Variants in ZNF316 observed in about 807,000 individuals in gnomAD.
ZNF316 encodes zinc finger protein 316.
A neutral mutation model predicts 75.6 loss-of-function variants in ZNF316; 23 were observed. That is an observed-to-expected ratio of 0.30 (90% CI 0.22 to 0.43). The LOEUF is 0.43. Ranked by LOEUF, ZNF316 falls within the 20% of genes least tolerant of loss-of-function variation. The pLI is 1.00. For synonymous variants in ZNF316, 827 were observed against 666.2 expected, an observed-to-expected ratio of 1.24 and a Z score of -3.72; for missense variants, 1,266 against 1,409.4, an observed-to-expected ratio of 0.90 and a Z score of 1.63.
chr7:6,652,608 C>A lies in ZNF316; in HGVS notation c.1012C>A (p.Pro338Thr), dbSNP rs1779529537. Residue 338 changes from proline (P) to threonine (T), a missense_variant, in exon 9 of 9, where the codon CCG becomes ACG. Around this residue, in one of 3 missense-constraint regions of ZNF316, gnomAD observed 961 missense variants for 990.9 expected, o/e 0.97. Coordinates refer to ENST00000382252, the MANE Select transcript of ZNF316 (RefSeq NM_001278559.2). ...SPWAFPAAVA[P>T]PAGRPETTCD... ...CTGGGCGTTCCCCGCCGCAGTGGCC[C>A]CGCCGGCCGGGAGGCCGGAGACCAC... The A allele has an allele frequency of 1.4e-5, 17 of 1,230,438 alleles. No homozygotes were observed. The highest frequency in any genetic ancestry group is 1.7e-5 in the Non-Finnish European group (17 of 987,016). The allele number at this position is 1,230,438 out of a possible 1,614,324, so 76.2% of individuals were successfully genotyped here.
rs560951001 is a variant in ZNF316 at position 6,658,105 on chromosome 7, C to T, written c.*3494C>T. Among the ~76,000 whole-genome samples, 26 of 152,196 alleles carry T rather than the reference C, an allele frequency of 1.7e-4. No homozygotes were observed. The East Asian group carries it at 4.4e-3, about 26-fold the overall frequency. ...CTTTGTTATTTCCTTTCTCTTTTGC[C>T]GGTTTCCCCAACCTCCTTCCTTTTC... On this transcript the variant is annotated 3_prime_UTR_variant, in exon 9 of 9. Coordinates refer to ENST00000382252, the MANE Select transcript of ZNF316 (RefSeq NM_001278559.2).
rs2464876 is a variant in ZNF316 at position 6,654,579 on chromosome 7, C to A, written c.2983C>A (p.Pro995Thr). The A allele has an allele frequency of 0.25, 294,566 of 1,186,870 alleles. 40,752 individuals are homozygous for A. Among genetic ancestry groups the A allele is most frequent in the East Asian group, 0.68 (18,306 of 26,994 alleles). The allele number at this position is 1,186,870 out of a possible 1,614,324, so 73.5% of individuals were successfully genotyped here. ...CGAGCACCAGGCCGCGTTCGCCGGG[C>A]CCTCGGGCGCCTACCGGGAGGGCGT... ...GSEHQAAFAGPSGAYREGVL is the reference protein window; with the variant it reads ...GSEHQAAFAGTSGAYREGVL The change falls in exon 9 of 9, where the codon CCC (proline) becomes ACC (threonine). Residue 995 changes from proline to threonine, a missense_variant. This residue lies in a region of ZNF316 where 111 missense variants were observed against 99.2 expected (regional missense o/e 1.12). Transcript: ENST00000382252.
Position 6,654,626 on chromosome 7 carries a change from A to T in ZNF316, c.*15A>T. The T allele has an allele frequency of 8.5e-7, 1 of 1,183,384 alleles. No homozygotes were observed. The highest frequency in any genetic ancestry group is 3.7e-5 in the East Asian group (1 of 26,858). The allele number at this position is 1,183,384 out of a possible 1,614,324, so 73.3% of individuals were successfully genotyped here. ...GCGTCCTGTGAGGGGCCCGGGGCCG[A>T]CAGCAGCGCAGCCTGCAGGGCCACC... On this transcript the variant is annotated 3_prime_UTR_variant, in exon 9 of 9. Coordinates refer to ENST00000382252, the MANE Select transcript of ZNF316 (RefSeq NM_001278559.2).
rs1255798094 is a variant in ZNF316, at chr7:6,640,822, A to T, written c.-166-1003A>T. ...TAAGGGAGTTCTCAGTTCACAAGAG[A>T]TCTGGTTGTTTTAAAAGAGTGGGGC... On this transcript the variant is annotated intron_variant, in intron 3 of 8. Coordinates refer to ENST00000382252, the MANE Select transcript of ZNF316 (RefSeq NM_001278559.2). This position sits in a 1 kb window ranked among gnomAD's most constrained non-coding sequence, Gnocchi z 5.1. 3.3e-5 allele frequency among the ~76,000 whole-genome samples: 5 copies of T among 152,072 alleles called. No individual in the cohort carries two copies. The highest frequency in any genetic ancestry group is 3.3e-4 in the Admixed American group (5 of 15,260).
rs1017122713 is a variant in ZNF316 at position 6,639,194 on chromosome 7, G to C, written c.-167+53G>C. On this transcript the variant is annotated intron_variant, in intron 3 of 8. Transcript: ENST00000382252. The surrounding 1 kb of genome is among the most constrained non-coding windows in gnomAD (Gnocchi z 4.2). ...AACCCCCTACCCCCAGCAGTGGTCA[G>C]TCTGTTCTGGAACAGGACAGTAGGG... is the stretch of plus-strand genomic sequence containing the variant. 2 of 152,334 alleles carry C rather than the reference G, an allele frequency of 1.3e-5. No homozygotes were observed. Among genetic ancestry groups the C allele is most frequent in the Non-Finnish European group, 2.9e-5 (2 of 68,134 alleles). The allele number at this position is 152,334 out of a possible 1,614,324, so 9.4% of individuals were successfully genotyped here.
At position 6,642,323 on chromosome 7, in the gene ZNF316, T is replaced by G; in HGVS notation, c.-28-59T>G. The G allele has an allele frequency of 3.4e-6, 3 of 892,634 alleles. No individual in the cohort carries two copies. The highest frequency in any genetic ancestry group is 4.4e-6 in the Non-Finnish European group (3 of 678,548). The allele number at this position is 892,634 out of a possible 1,614,324, so 55.3% of individuals were successfully genotyped here. On this transcript the variant is annotated intron_variant, in intron 4 of 8. Transcript: ENST00000382252. This position sits in a 1 kb window ranked among gnomAD's most constrained non-coding sequence, Gnocchi z 8.1. ...CCCCGCCAGGCTGCGGGAGACCCTG[T>G]GAGGGGACCGTGTGGTGTGCTGAGA...
At chr7:6,643,398 G>A (rs769228597) in intron 6 of ZNF316, among the ~76,000 whole-genome samples, 6 of 152,250 alleles carry the variant, frequency 3.9e-5, no homozygotes, top group Non-Finnish European at 8.8e-5. Flanking sequence ...CCTGTCACAT[G>A]TCCAGGGTCT....
intron 8 of ZNF316, among the ~76,000 whole-genome samples, chr7:6,649,821 C>A (rs953808917): frequency 1.3e-5 from 2 of 152,122 alleles, no homozygotes; most frequent in African/African-American, 4.8e-5. Context: ...CCAGAGCTGG[C>A]GGGGGGTGCC....
intron 8 of ZNF316, 87 bp from the exon 9 acceptor site, chr7:6,652,216 G>A: frequency 1.7e-6 from 2 of 1,195,860 alleles, no homozygotes; most frequent in Non-Finnish European, 1.0e-6. Context: ...CGTCTCGGAA[G>A]CCCTGATTTC....
chr7:6,642,590 G>C lies in ZNF316; in HGVS notation c.181G>C (p.Ala61Pro). 1 of 1,220,440 alleles carries C rather than the reference G, an allele frequency of 8.2e-7. No individual in the cohort carries two copies. The highest frequency in any genetic ancestry group is 1.6e-5 in the African/African-American group (1 of 64,204). 75.6% of individuals were successfully genotyped at this position (1,220,440 alleles called of 1,614,324 possible). ...IVVEEEEEGV[A>P]EVVQDAQVEA... ...GGTGGAGGAGGAGGAGGAGGGTGTGGCAGAGGTAGTGCAGGATGCGCAGGT... is the reference window on the plus strand; with the variant it reads ...GGTGGAGGAGGAGGAGGAGGGTGTGCCAGAGGTAGTGCAGGATGCGCAGGT... Residue 61 changes from alanine to proline, a missense_variant, in exon 5 of 9, where the codon GCA becomes CCA. Ala to Pro is a conservative substitution (Grantham distance 27). Around this residue, in one of 3 missense-constraint regions of ZNF316, gnomAD observed 961 missense variants for 990.9 expected, o/e 0.97. Coordinates refer to ENST00000382252, the MANE Select transcript of ZNF316 (RefSeq NM_001278559.2). This position sits in a 1 kb window ranked among gnomAD's most constrained non-coding sequence, Gnocchi z 8.1.
Position 6,648,296 on chromosome 7 carries a change from A to G in ZNF316, c.706+3703A>G, listed in dbSNP as rs1241480213. ...CACAGGGCTGGCCAGGGGCCTATCTAGGATTAGGGACTGTGGCCCAGCCTC... is the reference window on the plus strand; with the variant it reads ...CACAGGGCTGGCCAGGGGCCTATCTGGGATTAGGGACTGTGGCCCAGCCTC... On this transcript the variant is annotated intron_variant, in intron 8 of 8. Coordinates refer to ENST00000382252, the MANE Select transcript of ZNF316 (RefSeq NM_001278559.2). Among the ~76,000 whole-genome samples the G allele has an allele frequency of 4.6e-5, 7 of 152,132 alleles. No individual in the cohort carries two copies. The South Asian group carries it at 1.0e-3, about 23-fold the overall frequency.
intron 6 of ZNF316, among the ~76,000 whole-genome samples, chr7:6,643,448 C>T (rs900258895): frequency 5.9e-5 from 9 of 152,236 alleles, no homozygotes; most frequent in Non-Finnish European, 7.3e-5. Flanking sequence ...CCAGTGCCCA[C>T]GCTCGGTTTA....
Position 6,647,397 on chromosome 7 carries a change from G to T in ZNF316, c.706+2804G>T, listed in dbSNP as rs556550013. ...CTCATCCCCCTGACAGTTTGCAGAA[G>T]AGAGTGCTGCTAATGCCTATGGACT... On this transcript the variant is annotated intron_variant, in intron 8 of 8. Transcript: ENST00000382252. Among the ~76,000 whole-genome samples the T allele has an allele frequency of 3.7e-4, 56 of 152,386 alleles. 1 individual carries two copies. Among genetic ancestry groups the T allele is most frequent in the African/African-American group, 1.3e-3 (55 of 41,594 alleles).
At chr7:6,641,355 G>T (rs1448110706) in intron 3 of ZNF316, among the ~76,000 whole-genome samples, 1 of 152,224 alleles carries the variant, frequency 6.6e-6, no homozygotes, top group Non-Finnish European at 1.5e-5. Flanking sequence ...CTGATGGTGT[G>T]TGTCCTGGGT....
At position 6,653,627 on chromosome 7, in the gene ZNF316, G is replaced by A. The variant is rs964998169; in HGVS notation, c.2031G>A (p.Ala677=). Reference sequence around the variant, plus strand: ...GGCCCGCCATCGGGGGTCTGCTGGCGGAGCCCGCGCCGGCCGCGCTGGCGG... The same window carrying A: ...GGCCCGCCATCGGGGGTCTGCTGGCAGAGCCCGCGCCGGCCGCGCTGGCGG... The part of the protein sequence containing the change: ...AFGPAIGGLL[A]EPAPAALAEE... The change falls in exon 9 of 9, where the codon GCG becomes GCA. Residue 677 remains alanine (A), a synonymous_variant. Coordinates refer to ENST00000382252, the MANE Select transcript of ZNF316 (RefSeq NM_001278559.2). 2 of 1,062,216 alleles carry A rather than the reference G, an allele frequency of 1.9e-6. No individual in the cohort carries two copies. The highest frequency in any genetic ancestry group is 1.1e-6 in the Non-Finnish European group (1 of 878,086). The allele number at this position is 1,062,216 out of a possible 1,614,324, so 65.8% of individuals were successfully genotyped here. A position where few individuals can be genotyped will look rare whatever the true frequency, so the allele number is the denominator to read the frequency against.
Position 6,640,632 on chromosome 7 carries a change from A to C in ZNF316, c.-166-1193A>C, listed in dbSNP as rs1006621966. On this transcript the variant is annotated intron_variant, in intron 3 of 8. Coordinates refer to ENST00000382252, the MANE Select transcript of ZNF316 (RefSeq NM_001278559.2). This position sits in a 1 kb window ranked among gnomAD's most constrained non-coding sequence, Gnocchi z 5.1. ...GAGATCTGGGCGGGGACAAACATCC[A>C]GGCTCCATCAGTCCCCTTCCAGTCT... 2.0e-5 allele frequency among the ~76,000 whole-genome samples: 3 copies of C among 152,164 alleles called. No individual in the cohort carries two copies. The highest frequency in any genetic ancestry group is 6.5e-5 in the Admixed American group (1 of 15,280).
rs575646947 is a variant in ZNF316 at position 6,652,511 on chromosome 7, G to C, written c.915G>C (p.Gly305=). The C allele has an allele frequency of 2.4e-6, 3 of 1,231,292 alleles. No homozygotes were observed. The highest frequency in any genetic ancestry group is 4.2e-5 in the Admixed American group (1 of 23,698). 76.3% of individuals were successfully genotyped at this position (1,231,292 alleles called of 1,614,324 possible). A position where few individuals can be genotyped will look rare whatever the true frequency, so the allele number is the denominator to read the frequency against. The part of the protein sequence containing the change: ...EGWGPDPGGL[G]VLADGSEAKP... ...GGGGACCCGACCCAGGCGGCCTGGG[G>C]GTCCTGGCCGACGGCTCTGAAGCGA... The change falls in exon 9 of 9, where the codon GGG becomes GGC. Residue 305 remains glycine (G), a synonymous_variant. Coordinates refer to ENST00000382252, the MANE Select transcript of ZNF316 (RefSeq NM_001278559.2).
intron 2 of ZNF316, among the ~76,000 whole-genome samples, chr7:6,638,327 A>G (rs751866452): frequency 1.3e-5 from 2 of 152,076 alleles, no homozygotes; most frequent in Non-Finnish European, 2.9e-5. Flanking sequence ...CCGAGGACAG[A>G]CAGTGAGGAC....
chr7:6,653,574 G>C lies in ZNF316; in HGVS notation c.1978G>C (p.Gly660Arg). 9.2e-7 allele frequency: 1 copy of C among 1,088,064 alleles called. No homozygotes were observed. Among genetic ancestry groups the C allele is most frequent in the South Asian group, 4.3e-5 (1 of 23,028 alleles). The allele number at this position is 1,088,064 out of a possible 1,614,324, so 67.4% of individuals were successfully genotyped here. The change falls in exon 9 of 9, where the codon GGC becomes CGC. Residue 660 changes from glycine (G) to arginine (R), a missense_variant. Gly to Arg is a moderately radical substitution (Grantham distance 125, BLOSUM62 -2). Transcript: ENST00000382252. ...CDPFGGGGAAGGGGGLRAFGP... is the reference protein window; with the variant it reads ...CDPFGGGGAARGGGGLRAFGP... ...CCCTTTCGGCGGCGGCGGGGCCGCG[G>C]GCGGCGGAGGCGGCCTGCGCGCGTT...
Sources: gnomAD v4.1 joint callset for allele counts (sites outside exome capture counted in the v4.1 genomes callset) on GRCh38, gnomAD v4.1.1 for gene constraint, gnomAD v4.1.1 regional missense constraint, Gnocchi (gnomAD v3.1) non-coding constraint, MANE v1.5 for transcripts, NCBI Gene and HGNC (gene_info 2026-07-23, HGNC 2026-07-21) for gene names.